The following ASAP1 variants were observed in gnomAD, a reference collection of about 807,000 sequenced individuals.
ASAP1 encodes the protein ArfGAP with SH3 domain, ankyrin repeat and PH domain 1, also known as arf-GAP with SH3 domain, ANK repeat and PH domain-containing protein 1.
ASAP1 carries 43 observed loss-of-function variants against 145.2 expected under a neutral mutation model. The observed-to-expected ratio is 0.30, with a 90% CI of 0.23 to 0.38. ASAP1 has a LOEUF of 0.38. Ranked by LOEUF, ASAP1 falls within the 10% of genes least tolerant of loss-of-function variation. The pLI, the probability that ASAP1 is intolerant of heterozygous loss-of-function variation, is 1.00. For synonymous variants in ASAP1, 546 were observed against 515.5 expected (o/e 1.06, Z -0.80); for missense variants, 1,018 against 1,355.3 (o/e 0.75, Z 3.91).
chr8:130,341,881 G>A (rs1234238209), intron 3 of ASAP1, among the ~76,000 whole-genome samples: 1 of 152,178 alleles, frequency 6.6e-6, no homozygotes, highest in Non-Finnish European at 1.5e-5. Context: ...CAAACTAGGA[G>A]ACTCTTGGCA....
At chr8:130,392,234 C>G (rs1318589226) in intron 2 of ASAP1, among the ~76,000 whole-genome samples, 1 of 152,222 alleles carries the variant, frequency 6.6e-6, no homozygotes, top group Non-Finnish European at 1.5e-5. Context: ...CCAAAAGGGA[C>G]TCTCATACAC....
intron 4 of ASAP1, among the ~76,000 whole-genome samples, chr8:130,220,291 T>C (rs545841556): frequency 2.6e-5 from 4 of 152,324 alleles, no homozygotes; most frequent in Admixed American, 1.3e-4. Flanking sequence ...ATTCCAGTAA[T>C]AATCGTTACA....
chr8:130,378,487 T>G (rs1827608169), intron 2 of ASAP1, among the ~76,000 whole-genome samples: 1 of 152,172 alleles, frequency 6.6e-6, no homozygotes, highest in African/African-American at 2.4e-5. Context: ...CACGGAGGCT[T>G]GACACGCACA....
At chr8:130,108,459 A>T (rs1222045371) in intron 24 of ASAP1, among the ~76,000 whole-genome samples, 3 of 152,218 alleles carry the variant, frequency 2.0e-5, no homozygotes, top group Non-Finnish European at 2.9e-5. Flanking sequence ...CTTTGAGTTA[A>T]GATGCCTACC....
intron 3 of ASAP1, among the ~76,000 whole-genome samples, chr8:130,322,405 G>C (rs920495747): frequency 6.6e-6 from 1 of 152,068 alleles, no homozygotes; most frequent in African/African-American, 2.4e-5. Flanking sequence ...CAGGTGTCTT[G>C]AGTCCCCGCT....
intron 1 of ASAP1, among the ~76,000 whole-genome samples, chr8:130,423,097 CA>C (rs1326140413): frequency 6.6e-6 from 1 of 152,158 alleles, no homozygotes; most frequent in Non-Finnish European, 1.5e-5. Context: ...ACAACTATTA[CA>C]ATCCATATTT....
intron 3 of ASAP1, among the ~76,000 whole-genome samples, chr8:130,296,761 A>G (rs549584663): frequency 1.3e-5 from 2 of 151,144 alleles, no homozygotes; most frequent in Non-Finnish European, 1.5e-5. Context: ...AATTAGTTTA[A>G]AAGAAAAAAA....
chr8:130,398,963 C>T (rs1305532669), intron 2 of ASAP1, among the ~76,000 whole-genome samples: 3 of 152,220 alleles, frequency 2.0e-5, no homozygotes, highest in Admixed American at 6.5e-5. Flanking sequence ...TTGGTAAGCA[C>T]ACAGTCTTGC....
intron 3 of ASAP1, among the ~76,000 whole-genome samples, chr8:130,322,117 G>C (rs1223934116): frequency 6.6e-6 from 1 of 152,060 alleles, no homozygotes; most frequent in East Asian, 1.9e-4. Context: ...AAATCAGCTG[G>C]GGAGAAGACA....
Position 130,339,971 on chromosome 8 carries a change from A to T in ASAP1, c.186+18046T>A, listed in dbSNP as rs528058220. On this transcript the variant is annotated intron_variant, in intron 3 of 29. Coordinates refer to ENST00000518721, the MANE Select transcript of ASAP1 (RefSeq NM_018482.4). ...TTCCACCATACACAGAGCCAGGCTC[A>T]CCTTGCCTAAATTCTTCAAGGCTTC... is the stretch of plus-strand genomic sequence containing the variant. 6.1e-4 allele frequency among the ~76,000 whole-genome samples: 93 copies of T among 152,290 alleles called. 1 individual carries two copies. Among genetic ancestry groups the T allele is most frequent in the African/African-American group, 2.1e-3 (89 of 41,564 alleles).
In ASAP1 at chr8:130,151,370, CAAAAAAAAAAAAAAAAAAAA is replaced by C. The variant is rs58367856; in HGVS notation, c.1080+1346_1080+1365del. On this transcript the variant is annotated intron_variant, in intron 13 of 29. Transcript: ENST00000518721. ...TGGGTGAAAGAGCGAGACTCAGTCT[CAAAAAAAAAAAAAAAAAAAA>C]AAAAAAAAAAAAAAAAAAAAAGATT... 1.1e-3 allele frequency among the ~76,000 whole-genome samples: 66 copies of C among 62,846 alleles called. 1 individual carries two copies. In the South Asian group the frequency reaches 0.033, roughly 32 times the overall value. The allele number at this position is 62,846 out of a possible 152,430, so 41.2% of individuals were successfully genotyped here.
chr8:130,237,484 C>A (rs116298145), intron 3 of ASAP1, among the ~76,000 whole-genome samples: 1,671 of 151,212 alleles, frequency 0.011, 29 homozygotes, highest in African/African-American at 0.039. Flanking sequence ...TTAAGTTTTG[C>A]GATTTCTTTT....
At chr8:130,400,614 GTC>G (rs1258773929) in intron 2 of ASAP1, among the ~76,000 whole-genome samples, 1 of 135,386 alleles carries the variant, frequency 7.4e-6, no homozygotes, top group African/African-American at 3.1e-5. Flanking sequence ...GGTGAAACCC[GTC>G]TCTACTAAAA....
At position 130,311,761 on chromosome 8, in the gene ASAP1, C is replaced by CAAAAA. The variant is rs201264577; in HGVS notation, c.186+46251_186+46255dup. On this transcript the variant is annotated intron_variant, in intron 3 of 29. Transcript: ENST00000518721. ...GGGCAACAAGAGCGAAACTCCGTCT[C>CAAAAA]AAAAAAAAAAAAAAGGCAAAATAAG... Among the ~76,000 whole-genome samples the CAAAAA allele has an allele frequency of 1.8e-4, 15 of 85,366 alleles. 1 individual carries two copies. The highest frequency in any genetic ancestry group is 4.8e-4 in the African/African-American group (9 of 18,664). The allele number at this position is 85,366 out of a possible 152,430, so 56.0% of individuals were successfully genotyped here.
intron 3 of ASAP1, among the ~76,000 whole-genome samples, chr8:130,344,842 G>C (rs1315007658): frequency 6.6e-6 from 1 of 152,164 alleles, no homozygotes; most frequent in East Asian, 1.9e-4. Flanking sequence ...GACTATAAAA[G>C]GTATGGGGGA....
In ASAP1 at chr8:130,053,603, C is replaced by A. The variant is rs967708810; in HGVS notation, c.*1128G>T. On this transcript the variant is annotated 3_prime_UTR_variant, in exon 30 of 30. Transcript: ENST00000518721. ...GGAAAAGAAACACTTGGTTTCAGCA[C>A]CTGGATTCTACATACAGTAGGGAAA... is the stretch of plus-strand genomic sequence containing the variant. 1 of 152,142 alleles carries A rather than the reference C, an allele frequency of 6.6e-6. No homozygotes were observed. The highest frequency in any genetic ancestry group is 2.4e-5 in the African/African-American group (1 of 41,434). 9.4% of individuals were successfully genotyped at this position (152,142 alleles called of 1,614,324 possible). A position where few individuals can be genotyped will look rare whatever the true frequency, so the allele number is the denominator to read the frequency against.
intron 3 of ASAP1, among the ~76,000 whole-genome samples, chr8:130,248,125 A>G (rs1352523870): frequency 2.6e-5 from 4 of 152,070 alleles, no homozygotes; most frequent in Non-Finnish European, 5.9e-5. Context: ...CTTATCAAAG[A>G]GGAATAGTTT....
intron 24 of ASAP1, among the ~76,000 whole-genome samples, chr8:130,093,686 A>AAAAAAAAAAAAAAAAG (rs767063471): frequency 3.3e-4 from 43 of 131,976 alleles, no homozygotes; most frequent in African/African-American, 5.6e-4. Context: ...AAAAAAAAAA[A>AAAAAAAAAAAAAAAAG]AAAGAAAGCT....
intron 3 of ASAP1, among the ~76,000 whole-genome samples, chr8:130,351,096 A>G (rs896435161): frequency 6.6e-6 from 1 of 152,216 alleles, no homozygotes; most frequent in Non-Finnish European, 1.5e-5. Flanking sequence ...CTATCTTTTC[A>G]TTTTTCTTCC....
Sources: gnomAD v4.1 joint callset for allele counts (sites outside exome capture counted in the v4.1 genomes callset) on GRCh38, gnomAD v4.1.1 for gene constraint, MANE v1.5 for transcripts, NCBI Gene and HGNC (gene_info 2026-07-23, HGNC 2026-07-21) for gene names.